Variants in SLC17A3 observed in about 807,000 individuals in gnomAD.
SLC17A3 encodes the protein solute carrier family 17 member 3.
A neutral mutation model predicts 60.3 loss-of-function variants in SLC17A3; 61 were observed. The ratio of observed to expected loss-of-function variants is 1.01; its 90% CI spans 0.82 to 1.25. The LOEUF (loss-of-function observed/expected upper bound fraction) is 1.25, where lower values mean the gene tolerates loss of function less well. SLC17A3 is among the 50% of genes most tolerant of loss of function. The probability of loss-of-function intolerance (pLI) is 0.00; values close to 1 mark genes in which losing one functional copy is unlikely to be tolerated. For synonymous variants in SLC17A3, 192 were observed against 208.9 expected (o/e 0.92, Z 0.70); for missense variants, 624 against 594.9 (o/e 1.05, Z -0.51).
chr6:25,849,189 C>T (rs1765227818), intron 11 of SLC17A3, among the ~76,000 whole-genome samples, 185 bp downstream of exon 11: 1 of 152,142 alleles, frequency 6.6e-6, no homozygotes, highest in Non-Finnish European at 1.5e-5. Flanking sequence ...TAGTTCTTTG[C>T]TTGAGAATGA....
intron 2 of SLC17A3, among the ~76,000 whole-genome samples, chr6:25,864,720 T>C (rs192016100): frequency 2.0e-4 from 30 of 152,010 alleles, no homozygotes; most frequent in African/African-American, 6.5e-4. Flanking sequence ...AAAGAGAAGA[T>C]GTTGAGCATG....
At chr6:25,871,259 ACT>A (rs1765635529) in intron 1 of SLC17A3, among the ~76,000 whole-genome samples, 1 of 152,088 alleles carries the variant, frequency 6.6e-6, no homozygotes, top group East Asian at 1.9e-4. Flanking sequence ...ACAATGACAG[ACT>A]GGATTAAGAA....
chr6:25,868,577 C>A (rs1388271161), intron 1 of SLC17A3, 157 bp from the exon 2 acceptor site: 3 of 600,710 alleles, frequency 5.0e-6, no homozygotes, highest in Non-Finnish European at 8.9e-6. Flanking sequence ...ACACAACAAG[C>A]ATACTGCACG....
intron 1 of SLC17A3, among the ~76,000 whole-genome samples, chr6:25,871,391 A>G (rs967572726): frequency 1.3e-5 from 2 of 151,812 alleles, no homozygotes; most frequent in Non-Finnish European, 2.9e-5. Flanking sequence ...TCGCAAGGAC[A>G]AAAAACCAAA....
intron 5 of SLC17A3, among the ~76,000 whole-genome samples, chr6:25,858,034 G>T (rs957790593): frequency 6.6e-6 from 1 of 151,966 alleles, no homozygotes; most frequent in African/African-American, 2.4e-5. Flanking sequence ...TTTTTTGGAG[G>T]GGATGGAGTC....
Position 25,845,532 on chromosome 6 carries a change from C to T in SLC17A3, c.1363-16G>A, listed in dbSNP as rs1039301405. ...ACTCAGGGTCCTGGAGACACAAAAC[C>T]CCAAGTATATATTACCCCTTTCATA... On this transcript the variant is annotated splice_polypyrimidine_tract_variant and intron_variant, in intron 11 of 12. Coordinates refer to ENST00000397060, the MANE Select transcript of SLC17A3 (RefSeq NM_001098486.2). 4 of 1,613,504 alleles carry T rather than the reference C, an allele frequency of 2.5e-6. No homozygotes were observed. In the African/African-American group the frequency reaches 4.0e-5, roughly 16 times the overall value.
intron 1 of SLC17A3, among the ~76,000 whole-genome samples, chr6:25,872,619 C>G (rs1217156350): frequency 6.0e-5 from 9 of 149,352 alleles, no homozygotes; most frequent in Admixed American, 1.3e-4. Context: ...GAATGCTTTT[C>G]AGGCATGAAA....
intron 1 of SLC17A3, among the ~76,000 whole-genome samples, chr6:25,868,841 G>T (rs1250611521): frequency 6.6e-6 from 1 of 151,920 alleles, no homozygotes; most frequent in Admixed American, 6.6e-5. Context: ...CACCCAATAA[G>T]TAAAAGCTGT....
chr6:25,853,406 G>GTTT lies in SLC17A3; in HGVS notation c.712+1735_712+1737dup, dbSNP rs70977233. Among the ~76,000 whole-genome samples the GTTT allele has an allele frequency of 7.0e-4, 41 of 58,772 alleles. 5 individuals are homozygous for GTTT. Among genetic ancestry groups the GTTT allele is most frequent in the Non-Finnish European group, 1.1e-3 (36 of 32,734 alleles). 38.6% of individuals were successfully genotyped at this position (58,772 alleles called of 152,430 possible). ...GGTTTAAATCCATTAATTTCTGCAT[G>GTTT]TTTTTTTTTTTTTTTTTTTTTTTTT... On this transcript the variant is annotated intron_variant, in intron 6 of 12. Coordinates refer to ENST00000397060, the MANE Select transcript of SLC17A3 (RefSeq NM_001098486.2).
In SLC17A3 at chr6:25,847,438, T is replaced by C. The variant is rs887758392; in HGVS notation, c.1363-1922A>G. On this transcript the variant is annotated intron_variant, in intron 11 of 12. Transcript: ENST00000397060. ...TTTGGGTATATACCCAGTAATGGAATTGCTGCGTAGAATGGAAGATCTGTT... is the reference window on the plus strand; with the variant it reads ...TTTGGGTATATACCCAGTAATGGAACTGCTGCGTAGAATGGAAGATCTGTT... Among the ~76,000 whole-genome samples, 5 of 152,196 alleles carry C rather than the reference T, an allele frequency of 3.3e-5. No homozygotes were observed. In the South Asian group the frequency reaches 6.2e-4, roughly 19 times the overall value.
chr6:25,849,850 A>C lies in SLC17A3; in HGVS notation c.1226T>G (p.Leu409Trp), dbSNP rs757571784. ...ATTGATATAAATCCCTGACTGACAC[A>C]ATGTGCTTAATCCGCAAGAGAGCGT... ...LLTLSCGLST[L>W]CQSGIYINVL... Residue 409 changes from leucine to tryptophan, a missense_variant, in exon 10 of 13, where the codon TTG (leucine) becomes TGG (tryptophan). By Grantham distance (61) the Leu-to-Trp change is moderately conservative. Coordinates refer to ENST00000397060, the MANE Select transcript of SLC17A3 (RefSeq NM_001098486.2). 1.9e-6 allele frequency: 3 copies of C among 1,614,012 alleles called. No individual in the cohort carries two copies. The highest frequency in any genetic ancestry group is 1.7e-5 in the Admixed American group (1 of 60,022).
At chr6:25,861,349 CTCAAAA>C (rs1359965012) in intron 5 of SLC17A3, among the ~76,000 whole-genome samples, 2 of 151,910 alleles carry the variant, frequency 1.3e-5, no homozygotes, top group African/African-American at 4.8e-5. Context: ...CCATCTATGA[CTCAAAA>C]TCCAGATGCC....
chr6:25,847,655 T>C (rs187801779), intron 11 of SLC17A3, among the ~76,000 whole-genome samples: 24 of 152,318 alleles, frequency 1.6e-4, no homozygotes, highest in African/African-American at 5.8e-4. Context: ...ATTTCTCTAA[T>C]GATCAGTGAT....
At chr6:25,845,854 T>C (rs1340793799) in intron 11 of SLC17A3, among the ~76,000 whole-genome samples, 1 of 152,228 alleles carries the variant, frequency 6.6e-6, no homozygotes, top group Non-Finnish European at 1.5e-5. Context: ...GTGAAAAGAT[T>C]ATGGGCTTTT....
At chr6:25,856,275 G>A (rs1390097393) in intron 5 of SLC17A3, among the ~76,000 whole-genome samples, 1 of 151,944 alleles carries the variant, frequency 6.6e-6, no homozygotes, top group Non-Finnish European at 1.5e-5. Flanking sequence ...CTGTCACTCA[G>A]GCTGGAGATT....
intron 1 of SLC17A3, among the ~76,000 whole-genome samples, chr6:25,870,582 A>G (rs1025989035): frequency 6.6e-6 from 1 of 151,958 alleles, no homozygotes; most frequent in African/African-American, 2.4e-5. Context: ...AGTTGCCCAG[A>G]TCTATGGCCT....
rs549181714 is a variant in SLC17A3, at chr6:25,863,225, A to G, written c.92-781T>C. 7.6e-4 allele frequency among the ~76,000 whole-genome samples: 115 copies of G among 152,106 alleles called. 2 individuals carry two copies. Among genetic ancestry groups the G allele is most frequent in the Admixed American group, 7.1e-3 (109 of 15,264 alleles). On this transcript the variant is annotated intron_variant, in intron 2 of 12. Coordinates refer to ENST00000397060, the MANE Select transcript of SLC17A3 (RefSeq NM_001098486.2). ...CGGCATTTATGGTTGAAATTAAAGA[A>G]CTCTTCAGAAGTTAAAATCTGGGGA...
At chr6:25,862,523 G>C in intron 2 of SLC17A3, 79 bp from the exon 3 acceptor site, 1 of 1,125,262 alleles carries the variant, frequency 8.9e-7, no homozygotes, top group Non-Finnish European at 1.3e-6. Context: ...GATTTAAAAA[G>C]TACCTGATCA....
chr6:25,849,907 T>C lies in SLC17A3; in HGVS notation c.1169A>G (p.Asn390Ser), dbSNP rs1765242729. 1 of 1,613,934 alleles carries C rather than the reference T, an allele frequency of 6.2e-7. No homozygotes were observed. Among genetic ancestry groups the C allele is most frequent in the Non-Finnish European group, 8.5e-7 (1 of 1,179,906 alleles). ...SALIVSLPYL[N>S]SGYITATALL... ...GGCAGTTGCTGTGATATAGCCGGAA[T>C]TGAGGTAAGGCAGAGACACAATGAG... is the stretch of plus-strand genomic sequence containing the variant. Residue 390 changes from asparagine (N) to serine (S), a missense_variant, in exon 10 of 13, where the codon AAT (asparagine) becomes AGT (serine). By Grantham distance (46) the Asn-to-Ser change is conservative. Transcript: ENST00000397060.
Sources: gnomAD v4.1 joint callset for allele counts (sites outside exome capture counted in the v4.1 genomes callset) on GRCh38, gnomAD v4.1.1 for gene constraint, MANE v1.5 for transcripts, NCBI Gene and HGNC (gene_info 2026-07-23, HGNC 2026-07-21) for gene names.